The following IFT56 variants were observed in gnomAD, a reference collection of about 807,000 sequenced individuals.
The protein encoded by IFT56 is intraflagellar transport 56, also known as intraflagellar transport protein 56.
At chr7:139,164,796 G>T in the IFT56 span, among the ~76,000 whole-genome samples, 1,177 of 152,118 alleles carry the variant, frequency 7.7e-3, 27 homozygotes, top group East Asian at 0.074. Context: ...AGATATAAGG[G>T]CTATGAATAA....
At chr7:139,182,808 A>G in the IFT56 span, among the ~76,000 whole-genome samples, 71 of 152,246 alleles carry the variant, frequency 4.7e-4, no homozygotes, top group African/African-American at 1.7e-3. Flanking sequence ...AGGAAAAAAA[A>G]TGCTTTTCAT....
At chr7:139,146,358 TAA>T in the IFT56 span, among the ~76,000 whole-genome samples, 2 of 152,114 alleles carry the variant, frequency 1.3e-5, no homozygotes, top group Non-Finnish European at 2.9e-5. Context: ...CAATATATAG[TAA>T]CTGAAGAAAG....
chr7:139,174,152 G>A, the IFT56 span: 5 of 593,846 alleles, frequency 8.4e-6, no homozygotes, highest in African/African-American at 9.3e-5. Flanking sequence ...GTATCATGAA[G>A]CACATGATCT....
At chr7:139,175,781 A>C in the IFT56 span, among the ~76,000 whole-genome samples, 1 of 146,654 alleles carries the variant, frequency 6.8e-6, no homozygotes, top group Non-Finnish European at 1.5e-5. Flanking sequence ...GGATGGCTCC[A>C]AAAAAAAAAA....
the IFT56 span, among the ~76,000 whole-genome samples, chr7:139,152,784 G>A: frequency 2.0e-5 from 3 of 152,040 alleles, no homozygotes; most frequent in African/African-American, 7.2e-5. Context: ...GTGTACAGTT[G>A]GTTTTTTAGT....
the IFT56 span, among the ~76,000 whole-genome samples, chr7:139,162,750 G>A: frequency 6.6e-6 from 1 of 151,824 alleles, no homozygotes; most frequent in Non-Finnish European, 1.5e-5. Flanking sequence ...CACAAGGTCA[G>A]GAGTTCAAGA....
At chr7:139,145,762 T>C in the IFT56 span, among the ~76,000 whole-genome samples, 1 of 152,198 alleles carries the variant, frequency 6.6e-6, no homozygotes, top group Non-Finnish European at 1.5e-5. Flanking sequence ...CTAGATGTTC[T>C]TGGTGGGAGC....
chr7:139,148,005 GTCA>G, the IFT56 span, among the ~76,000 whole-genome samples: 1 of 152,016 alleles, frequency 6.6e-6, no homozygotes, highest in Non-Finnish European at 1.5e-5. Flanking sequence ...TTCTTCTCTA[GTCA>G]TCTTTCATTC....
the IFT56 span, among the ~76,000 whole-genome samples, chr7:139,142,811 G>A: frequency 2.0e-5 from 3 of 152,040 alleles, no homozygotes; most frequent in Non-Finnish European, 2.9e-5. Context: ...CAGCCTGGGC[G>A]ACAGCACGAG....
the IFT56 span, among the ~76,000 whole-genome samples, chr7:139,182,912 A>G: frequency 1.3e-5 from 2 of 152,226 alleles, no homozygotes; most frequent in African/African-American, 4.8e-5. Context: ...GAAGACAGTA[A>G]GAGGTAGAGA....
the IFT56 span, among the ~76,000 whole-genome samples, chr7:139,160,470 G>C: frequency 1.0e-4 from 15 of 143,728 alleles, no homozygotes; most frequent in Admixed American, 5.8e-4. Flanking sequence ...TTGCTCTGTC[G>C]CCAGGCTGGA....
the IFT56 span, among the ~76,000 whole-genome samples, chr7:139,156,834 GC>G: frequency 6.6e-6 from 1 of 152,062 alleles, no homozygotes; most frequent in South Asian, 2.1e-4. Flanking sequence ...GTGTATCCTT[GC>G]CCTCAATGCC....
At chr7:139,158,592 C>A in the IFT56 span, among the ~76,000 whole-genome samples, 3 of 151,956 alleles carry the variant, frequency 2.0e-5, no homozygotes, top group Admixed American at 1.3e-4. Context: ...ATTCTTGTGG[C>A]AAATTATTTG....
chr7:139,174,128 T>C, the IFT56 span: 7 of 595,462 alleles, frequency 1.2e-5, no homozygotes, highest in Non-Finnish European at 2.3e-5. Flanking sequence ...TGCTGTAATC[T>C]ACGATTTTCA....
At chr7:139,156,959 A>G in the IFT56 span, among the ~76,000 whole-genome samples, 1 of 152,074 alleles carries the variant, frequency 6.6e-6, no homozygotes, top group Non-Finnish European at 1.5e-5. Flanking sequence ...TTGGCTCTTT[A>G]TCTTTCAGTA....
At chr7:139,187,605 C>T in the IFT56 span, 1 of 1,560,048 alleles carries the variant, frequency 6.4e-7, no homozygotes, top group East Asian at 2.3e-5. Flanking sequence ...AATACTTGTT[C>T]TCTTGGATGA....
At chr7:139,173,592 C>T in the IFT56 span, 2 of 820,442 alleles carry the variant, frequency 2.4e-6, no homozygotes, top group Non-Finnish European at 2.2e-6. Flanking sequence ...AGAGTGTAAT[C>T]AAAGGTTATT....
chr7:139,166,873 ATCTGGAACCTACTACTCC>A, the IFT56 span: 1 of 1,585,550 alleles, frequency 6.3e-7, no homozygotes, highest in Non-Finnish European at 8.6e-7. Flanking sequence ...TTAATTAAGG[ATCTGGAACCTACTACTCC>A]TCAGGTAACT....
At chr7:139,133,866 T>C in the IFT56 span, 5 of 1,614,196 alleles carry the variant, frequency 3.1e-6, no homozygotes, top group South Asian at 5.5e-5. Context: ...AGATGGTTAG[T>C]GGCTCTGAAT....
Sources: allele counts gnomAD v4.1 joint callset (sites outside exome capture counted in the v4.1 genomes callset), GRCh38; gene constraint gnomAD v4.1.1; transcripts MANE v1.5; gene names NCBI Gene and HGNC (gene_info 2026-07-23, HGNC 2026-07-21).